Variants in PCSK2 observed in about 807,000 individuals in gnomAD.
The protein encoded by PCSK2 is neuroendocrine convertase 2.
In PCSK2, 14 loss-of-function variants were observed where a neutral mutation model predicts 69.7. The observed-to-expected ratio is 0.20, with a 90% confidence interval of 0.13 to 0.31. The LOEUF is 0.31. Ranked by LOEUF, PCSK2 falls within the 10% of genes least tolerant of loss-of-function variation. The probability of loss-of-function intolerance (pLI) is 1.00; values close to 1 mark genes in which losing one functional copy is unlikely to be tolerated. For missense variants in PCSK2, 544 were observed against 842.5 expected, an observed-to-expected ratio of 0.65 and a Z score of 4.39; for synonymous variants, 307 against 320.7, an observed-to-expected ratio of 0.96 and a Z score of 0.46.
chr20:17,432,972 C>CAA (rs2032399515), intron 7 of PCSK2, among the ~76,000 whole-genome samples: 1 of 152,166 alleles, frequency 6.6e-6, no homozygotes, highest in Non-Finnish European at 1.5e-5. Flanking sequence ...GGCTCAGGGA[C>CAA]AAGAGGCGCC....
chr20:17,358,237 T>C (rs886239036), intron 2 of PCSK2, 90 bp from the exon 3 acceptor site: 12 of 799,774 alleles, frequency 1.5e-5, no homozygotes, highest in African/African-American at 8.6e-5. Context: ...ACACCTGATA[T>C]ACAAATGAAA....
At chr20:17,438,870 C>T (rs2032539883) in intron 8 of PCSK2, among the ~76,000 whole-genome samples, 1 of 152,340 alleles carries the variant, frequency 6.6e-6, no homozygotes, top group East Asian at 1.9e-4. Context: ...CAAGGGAAAG[C>T]TTTACCCAAG....
intron 2 of PCSK2, among the ~76,000 whole-genome samples, chr20:17,266,809 G>A (rs1363990185): frequency 1.3e-5 from 2 of 152,180 alleles, no homozygotes; most frequent in Admixed American, 1.3e-4. Context: ...ATAATGACCA[G>A]TTATTGGCAT....
At chr20:17,283,232 G>T (rs1404310418) in intron 2 of PCSK2, among the ~76,000 whole-genome samples, 1 of 152,164 alleles carries the variant, frequency 6.6e-6, no homozygotes, top group Non-Finnish European at 1.5e-5. Flanking sequence ...ATATAAATAA[G>T]TAGGTAGATA....
intron 1 of PCSK2, among the ~76,000 whole-genome samples, chr20:17,244,503 G>A (rs979533438): frequency 6.6e-6 from 1 of 152,174 alleles, no homozygotes; most frequent in African/African-American, 2.4e-5. Context: ...CCCTTGAGAT[G>A]TAGATAAGAT....
intron 11 of PCSK2, among the ~76,000 whole-genome samples, chr20:17,480,528 A>G (rs888682418): frequency 1.3e-5 from 2 of 152,176 alleles, no homozygotes; most frequent in Non-Finnish European, 2.9e-5. Flanking sequence ...CATATTAGCA[A>G]CAGCTTCTAT....
intron 2 of PCSK2, among the ~76,000 whole-genome samples, chr20:17,293,700 T>G (rs1988772403): frequency 6.6e-6 from 1 of 152,246 alleles, no homozygotes; most frequent in African/African-American, 2.4e-5. Flanking sequence ...TATGTTTTAT[T>G]ATTCTTTGGA....
At chr20:17,466,220 C>T (rs1030615859) in intron 11 of PCSK2, among the ~76,000 whole-genome samples, 4 of 152,174 alleles carry the variant, frequency 2.6e-5, no homozygotes, top group Admixed American at 6.5e-5. Flanking sequence ...CCCATGCCAG[C>T]GTAGCCATAT....
At chr20:17,387,695 C>A (rs1180164518) in intron 5 of PCSK2, among the ~76,000 whole-genome samples, 1 of 152,172 alleles carries the variant, frequency 6.6e-6, no homozygotes, top group African/African-American at 2.4e-5. Flanking sequence ...TATGGGTCAG[C>A]CTTGTTCATT....
At chr20:17,283,897 G>A (rs1988415793) in intron 2 of PCSK2, among the ~76,000 whole-genome samples, 1 of 152,132 alleles carries the variant, frequency 6.6e-6, no homozygotes, top group Non-Finnish European at 1.5e-5. Flanking sequence ...CTCTCTTTAT[G>A]AGTACAAATA....
intron 2 of PCSK2, among the ~76,000 whole-genome samples, chr20:17,262,583 T>C (rs1013283664): frequency 1.3e-5 from 2 of 151,952 alleles, no homozygotes; most frequent in African/African-American, 4.8e-5. Context: ...GATAGAAAAA[T>C]AGAGTGGCAA....
chr20:17,374,494 A>G (rs2030865775), intron 5 of PCSK2, among the ~76,000 whole-genome samples: 1 of 152,122 alleles, frequency 6.6e-6, no homozygotes, highest in South Asian at 2.1e-4. Flanking sequence ...AGGTGAAGAA[A>G]AGGCTGGTGG....
intron 2 of PCSK2, among the ~76,000 whole-genome samples, chr20:17,338,734 T>C (rs2123168099): frequency 6.6e-6 from 1 of 152,204 alleles, no homozygotes; most frequent in African/African-American, 2.4e-5. Flanking sequence ...GGGATGGTAC[T>C]AGGAGATGAG....
intron 2 of PCSK2, among the ~76,000 whole-genome samples, chr20:17,347,847 A>AG (rs1429647977): frequency 1.9e-4 from 24 of 128,330 alleles, no homozygotes; most frequent in East Asian, 1.0e-3. Flanking sequence ...AAAGAAAGAA[A>AG]GAAAGAAAGA....
At chr20:17,437,296 G>A (rs1343333763) in intron 8 of PCSK2, among the ~76,000 whole-genome samples, 1 of 152,246 alleles carries the variant, frequency 6.6e-6, no homozygotes, top group Admixed American at 6.5e-5. Flanking sequence ...AGATCCAGGA[G>A]GCAGCAGCCA....
Position 17,436,731 on chromosome 20 carries a change from T to C in PCSK2, c.733T>C (p.Phe245Leu), listed in dbSNP as rs754576447. ...AGGCATCCGGATGCTGGACCAGCCATTCATGACAGACATCATCGAGGCCTC... is the reference window on the plus strand; with the variant it reads ...AGGCATCCGGATGCTGGACCAGCCACTCATGACAGACATCATCGAGGCCTC... ...VAGIRMLDQP[F>L]MTDIIEASSI... Residue 245 changes from phenylalanine to leucine, a missense_variant, in exon 8 of 12, where the codon TTC (phenylalanine) becomes CTC (leucine). By Grantham distance (22) the Phe-to-Leu change is conservative. This residue lies in a region of PCSK2 where 187 missense variants were observed against 399.8 expected (regional missense o/e 0.47). Transcript: ENST00000262545. 2.5e-6 allele frequency: 4 copies of C among 1,613,776 alleles called. No individual in the cohort carries two copies. The South Asian group carries it at 4.4e-5, about 18-fold the overall frequency.
intron 11 of PCSK2, among the ~76,000 whole-genome samples, chr20:17,476,765 A>C (rs2033297829): frequency 6.6e-6 from 1 of 152,224 alleles, no homozygotes; most frequent in South Asian, 2.1e-4. Context: ...CCCAATCTTT[A>C]GTTATTCATC....
chr20:17,418,598 G>C (rs1294680281), intron 6 of PCSK2, among the ~76,000 whole-genome samples: 2 of 152,202 alleles, frequency 1.3e-5, no homozygotes, highest in Non-Finnish European at 2.9e-5. Context: ...CAGGGGCATA[G>C]ATGAGGCTCA....
intron 1 of PCSK2, among the ~76,000 whole-genome samples, chr20:17,254,890 T>C (rs955863269): frequency 6.6e-6 from 1 of 152,242 alleles, no homozygotes; most frequent in Non-Finnish European, 1.5e-5. Context: ...TGCACTTCTT[T>C]TGTTAAATTT....
Sources: gnomAD v4.1 joint callset for allele counts (sites outside exome capture counted in the v4.1 genomes callset) on GRCh38, gnomAD v4.1.1 for gene constraint, gnomAD v4.1.1 regional missense constraint, MANE v1.5 for transcripts, NCBI Gene and HGNC (gene_info 2026-07-23, HGNC 2026-07-21) for gene names.